Variants in STARD13 observed in about 807,000 individuals in gnomAD.
STARD13 encodes StAR related lipid transfer domain containing 13.
In STARD13, 62 loss-of-function variants were observed where a neutral mutation model predicts 106.4. That is an observed-to-expected ratio of 0.58 (90% CI 0.48 to 0.72). The LOEUF is 0.72. Ranked by LOEUF, STARD13 falls within the 30% of genes least tolerant of loss-of-function variation. STARD13 has a pLI of 0.00. For synonymous variants in STARD13, 565 were observed against 553.0 expected, an observed-to-expected ratio of 1.02 and a Z score of -0.31; for missense variants, 1,387 against 1,424.0, an observed-to-expected ratio of 0.97 and a Z score of 0.42.
Position 33,153,712 on chromosome 13 carries a change from C to A in STARD13, c.324-11339G>T, listed in dbSNP as rs190184618. ...ACTTTAGACTGGTCATGAAGTCTCT[C>A]GTGTTGATTTAATGACCAGTTTCCT... On this transcript the variant is annotated intron_variant, in intron 3 of 13. Transcript: ENST00000336934. Among the ~76,000 whole-genome samples the A allele has an allele frequency of 1.6e-4, 24 of 152,338 alleles. No individual in the cohort carries two copies. In the East Asian group the frequency reaches 4.2e-3, roughly 27 times the overall value.
At chr13:33,245,194 T>C (rs1276112031) in intron 1 of STARD13, among the ~76,000 whole-genome samples, 1 of 152,244 alleles carries the variant, frequency 6.6e-6, no homozygotes, top group African/African-American at 2.4e-5. Context: ...CTATTGGTTC[T>C]AGCGGAAAAT....
the STARD13 span, among the ~76,000 whole-genome samples, chr13:33,607,881 A>G: frequency 2.6e-5 from 4 of 152,214 alleles, no homozygotes; most frequent in Admixed American, 6.5e-5. Flanking sequence ...CTGCCCAGAA[A>G]AAAAAGTAAT....
At chr13:33,108,412 C>A (rs1874063556) in intron 12 of STARD13, among the ~76,000 whole-genome samples, 1 of 152,178 alleles carries the variant, frequency 6.6e-6, no homozygotes, top group Non-Finnish European at 1.5e-5. Flanking sequence ...TCCACTTCTT[C>A]AAGTCTTGGA....
intron 1 of STARD13, among the ~76,000 whole-genome samples, chr13:33,211,290 C>T (rs1887700864): frequency 6.6e-6 from 1 of 151,420 alleles, no homozygotes; most frequent in African/African-American, 2.4e-5. Context: ...CCAAATAATG[C>T]TCATTGAAAA....
the STARD13 span, among the ~76,000 whole-genome samples, chr13:33,541,943 A>G: frequency 6.6e-6 from 1 of 152,194 alleles, no homozygotes; most frequent in Non-Finnish European, 1.5e-5. Flanking sequence ...AAATGACAAA[A>G]TTTTTCTTTG....
chr13:33,414,472 C>T, the STARD13 span, among the ~76,000 whole-genome samples: 2 of 151,984 alleles, frequency 1.3e-5, no homozygotes, highest in Non-Finnish European at 2.9e-5. Context: ...TAAAAGGAAA[C>T]GAGCTAGTGA....
chr13:33,499,131 C>A, the STARD13 span, among the ~76,000 whole-genome samples: 37 of 152,160 alleles, frequency 2.4e-4, no homozygotes, highest in African/African-American at 8.7e-4. Flanking sequence ...GAGTAAGACT[C>A]TGTCTCAAAA....
chr13:33,123,065 A>AAAAAAAG (rs1876601762), intron 7 of STARD13, among the ~76,000 whole-genome samples: 1 of 150,112 alleles, frequency 6.7e-6, no homozygotes, highest in South Asian at 2.1e-4. Flanking sequence ...CAAAAAAAAA[A>AAAAAAAG]AAAAAAAAAA....
At chr13:33,391,836 T>A in the STARD13 span, among the ~76,000 whole-genome samples, 2 of 152,122 alleles carry the variant, frequency 1.3e-5, no homozygotes, top group African/African-American at 2.4e-5. Context: ...AACACCTTCC[T>A]GCCACATGGA....
At chr13:33,434,352 C>CAAAAAAAAAAAAAA in the STARD13 span, among the ~76,000 whole-genome samples, 15 of 70,278 alleles carry the variant, frequency 2.1e-4, no homozygotes, top group Non-Finnish European at 2.8e-4. Flanking sequence ...GACTCTGTCT[C>CAAAAAAAAAAAAAA]AAAAAAAAAA....
intron 1 of STARD13, among the ~76,000 whole-genome samples, chr13:33,224,921 G>A (rs1049296741): frequency 5.3e-5 from 8 of 151,958 alleles, no homozygotes; most frequent in South Asian, 2.1e-4. Context: ...ACATCATCCC[G>A]TTCTTTTCAG....
At chr13:33,404,658 G>A in the STARD13 span, among the ~76,000 whole-genome samples, 7 of 152,158 alleles carry the variant, frequency 4.6e-5, no homozygotes, top group African/African-American at 1.7e-4. Context: ...CAAACATTTT[G>A]TGAAATGACA....
the STARD13 span, among the ~76,000 whole-genome samples, chr13:33,364,840 G>A: frequency 6.6e-6 from 1 of 152,194 alleles, no homozygotes; most frequent in Non-Finnish European, 1.5e-5. Flanking sequence ...AGTGAGCCGA[G>A]ATGGCGCCAC....
chr13:33,325,983 TAAA>T (rs59403273), intron 1 of STARD13, among the ~76,000 whole-genome samples: 5 of 96,208 alleles, frequency 5.2e-5, no homozygotes, highest in African/African-American at 1.2e-4. Context: ...AGACTCCGTT[TAAA>T]AAAAAAAAAA....
chr13:33,608,858 G>A, the STARD13 span, among the ~76,000 whole-genome samples: 105 of 152,116 alleles, frequency 6.9e-4, no homozygotes, highest in Middle Eastern at 3.4e-3. Context: ...AGGCCGAGGC[G>A]GGAGGATCAC....
chr13:33,509,778 A>G, the STARD13 span, among the ~76,000 whole-genome samples: 2 of 152,204 alleles, frequency 1.3e-5, no homozygotes, highest in African/African-American at 4.8e-5. Flanking sequence ...AGGCTCAGCA[A>G]ACAGCCCAGA....
chr13:33,673,687 C>A, the STARD13 span, among the ~76,000 whole-genome samples: 3 of 151,546 alleles, frequency 2.0e-5, no homozygotes, highest in African/African-American at 4.9e-5. Context: ...GAACTACAGG[C>A]ACACACCACC....
At chr13:33,597,248 A>G in the STARD13 span, among the ~76,000 whole-genome samples, 2 of 152,294 alleles carry the variant, frequency 1.3e-5, no homozygotes, top group African/African-American at 4.8e-5. Context: ...GCAAGATGCT[A>G]TCTTGTGGTT....
chr13:33,535,772 G>C, the STARD13 span, among the ~76,000 whole-genome samples: 2 of 152,150 alleles, frequency 1.3e-5, no homozygotes, highest in African/African-American at 4.8e-5. Context: ...GGGGATAAAG[G>C]GAACTTTGCC....
Sources: allele counts gnomAD v4.1 joint callset (sites outside exome capture counted in the v4.1 genomes callset), GRCh38; gene constraint gnomAD v4.1.1; transcripts MANE v1.5; gene names NCBI Gene and HGNC (gene_info 2026-07-23, HGNC 2026-07-21).